The following CRPPA variants were observed in gnomAD, a reference collection of about 807,000 sequenced individuals.
The protein encoded by CRPPA is CDP-L-ribitol pyrophosphorylase A.
Under a neutral mutation model 52.0 loss-of-function variants are expected in CRPPA, and 43 were observed. The observed-to-expected ratio is 0.83, with a 90% confidence interval of 0.65 to 1.07. The LOEUF is 1.07. Ranked by LOEUF, CRPPA falls within the 50% of genes least tolerant of loss-of-function variation. The pLI is 0.00. For missense variants in CRPPA, 629 were observed against 551.7 expected (o/e 1.14, Z -1.40); for synonymous variants, 250 against 203.5 (o/e 1.23, Z -1.94).
intron 3 of CRPPA, among the ~76,000 whole-genome samples, chr7:16,321,915 A>T (rs1028430540): frequency 6.6e-6 from 1 of 152,172 alleles, no homozygotes; most frequent in Non-Finnish European, 1.5e-5. Flanking sequence ...AGGAAAAACC[A>T]TACAAGCAAA....
intron 9 of CRPPA, among the ~76,000 whole-genome samples, chr7:16,121,184 A>G (rs568343178): frequency 9.9e-5 from 15 of 152,224 alleles, no homozygotes; most frequent in African/African-American, 2.6e-4. Context: ...TCATAGCTAC[A>G]TTAGAAATAT....
At chr7:16,381,230 G>A (rs1787078522) in intron 2 of CRPPA, among the ~76,000 whole-genome samples, 1 of 152,164 alleles carries the variant, frequency 6.6e-6, no homozygotes, top group African/African-American at 2.4e-5. Context: ...CTTTATTTCT[G>A]CCTTCATTTC....
At chr7:16,403,401 A>C (rs1234819656) in intron 2 of CRPPA, among the ~76,000 whole-genome samples, 1 of 152,144 alleles carries the variant, frequency 6.6e-6, no homozygotes, top group African/African-American at 2.4e-5. Context: ...AAGTTTTTTT[A>C]ATTAAGCAAA....
chr7:16,269,907 A>C (rs1372213490), intron 6 of CRPPA: 1 of 152,204 alleles, frequency 6.6e-6, no homozygotes, highest in Non-Finnish European at 1.5e-5. Flanking sequence ...TGGAGAAAAA[A>C]AATTAATGAC....
At chr7:16,369,500 TA>T (rs1261968080) in intron 3 of CRPPA, among the ~76,000 whole-genome samples, 1 of 152,164 alleles carries the variant, frequency 6.6e-6, no homozygotes. Flanking sequence ...TGTTTTTTCT[TA>T]AAACAGGTAC....
intron 6 of CRPPA, chr7:16,269,592 TA>T (rs1470157675): frequency 3.3e-5 from 5 of 152,132 alleles, no homozygotes; most frequent in Non-Finnish European, 7.4e-5. Context: ...GAGAGAAAGG[TA>T]AACTTTTTTT....
intron 5 of CRPPA, 146 bp downstream of exon 5, chr7:16,301,275 T>TAATA (rs1395573577): frequency 3.9e-5 from 24 of 618,012 alleles, no homozygotes; most frequent in Non-Finnish European, 6.7e-5. Flanking sequence ...ACATAAAATG[T>TAATA]AATTATTTTC....
At position 16,107,896 on chromosome 7, in the gene CRPPA, T is replaced by C. The variant is rs138166808; in HGVS notation, c.1252-16097A>G. Among the ~76,000 whole-genome samples, 462 of 152,194 alleles carry C rather than the reference T, an allele frequency of 3.0e-3. 3 individuals are homozygous for C. Among genetic ancestry groups the C allele is most frequent in the African/African-American group, 0.011 (444 of 41,548 alleles). On this transcript the variant is annotated intron_variant, in intron 9 of 9. Transcript: ENST00000407010. ...AGAGGATAAGTACAAAGTAGAGTTATATGCAATCAAAGTTAGTTTTTCACT... is the reference window on the plus strand; with the variant it reads ...AGAGGATAAGTACAAAGTAGAGTTACATGCAATCAAAGTTAGTTTTTCACT...
chr7:16,103,392 G>A (rs562144514), intron 9 of CRPPA, among the ~76,000 whole-genome samples: 11 of 152,084 alleles, frequency 7.2e-5, no homozygotes, highest in African/African-American at 7.2e-5. Context: ...ATCATGACAC[G>A]TTTATACCTT....
intron 9 of CRPPA, among the ~76,000 whole-genome samples, chr7:16,116,958 C>A (rs1782387841): frequency 6.6e-6 from 1 of 152,156 alleles, no homozygotes; most frequent in Non-Finnish European, 1.5e-5. Context: ...ACTCTAGAGA[C>A]CATGTTTTCC....
chr7:16,403,141 GA>G (rs374587473), intron 2 of CRPPA, among the ~76,000 whole-genome samples: 2,252 of 151,988 alleles, frequency 0.015, 64 homozygotes, highest in African/African-American at 0.05. Flanking sequence ...GTGAGGGGGG[GA>G]AAAAAACAGT....
chr7:16,417,128 A>G (rs1012224444), intron 1 of CRPPA, among the ~76,000 whole-genome samples: 1 of 152,072 alleles, frequency 6.6e-6, no homozygotes, highest in Non-Finnish European at 1.5e-5. Context: ...CTATTATGAA[A>G]AAGCCAAAAA....
At chr7:16,130,712 T>A (rs1421748626) in intron 9 of CRPPA, among the ~76,000 whole-genome samples, 2 of 152,194 alleles carry the variant, frequency 1.3e-5, no homozygotes, top group Non-Finnish European at 2.9e-5. Flanking sequence ...TAGGTCCAGA[T>A]GAATATCACT....
chr7:16,210,948 A>ACATTT (rs1782118787), intron 9 of CRPPA, among the ~76,000 whole-genome samples: 1 of 152,244 alleles, frequency 6.6e-6, no homozygotes, highest in Admixed American at 6.5e-5. Context: ...AATCTACTGT[A>ACATTT]CATTTCAAAA....
At chr7:16,190,050 C>G (rs1192068561) in intron 9 of CRPPA, among the ~76,000 whole-genome samples, 1 of 152,084 alleles carries the variant, frequency 6.6e-6, no homozygotes, top group Non-Finnish European at 1.5e-5. Context: ...CTCTTTGGTT[C>G]ACCATAGTCT....
intron 3 of CRPPA, among the ~76,000 whole-genome samples, chr7:16,352,337 C>A (rs945026794): frequency 6.6e-5 from 10 of 151,804 alleles, no homozygotes; most frequent in African/African-American, 2.2e-4. Flanking sequence ...GTGCAGCAAA[C>A]CACCATGGCA....
intron 8 of CRPPA, among the ~76,000 whole-genome samples, chr7:16,249,982 TA>T (rs1454149310): frequency 6.6e-6 from 1 of 151,978 alleles, no homozygotes; most frequent in African/African-American, 2.4e-5. Flanking sequence ...TAAGAACCTT[TA>T]AAAAAGGTTA....
At chr7:16,394,552 A>T (rs1289904211) in intron 2 of CRPPA, among the ~76,000 whole-genome samples, 1 of 152,162 alleles carries the variant, frequency 6.6e-6, no homozygotes, top group Non-Finnish European at 1.5e-5. Context: ...TTCTAACTAT[A>T]CCAGTAGTAG....
At chr7:16,286,570 C>T (rs1280291134) in intron 5 of CRPPA, among the ~76,000 whole-genome samples, 1 of 72,020 alleles carries the variant, frequency 1.4e-5, no homozygotes, top group African/African-American at 6.6e-5. Context: ...CAATTCCTAC[C>T]AATTTCCTGA....
Sources: gnomAD v4.1 joint callset for allele counts (sites outside exome capture counted in the v4.1 genomes callset) on GRCh38, gnomAD v4.1.1 for gene constraint, MANE v1.5 for transcripts, NCBI Gene and HGNC (gene_info 2026-07-23, HGNC 2026-07-21) for gene names.